Variants in AKR1C4 observed in about 807,000 individuals in gnomAD.
AKR1C4 encodes aldo-keto reductase family 1 member C4.
In AKR1C4, 44 loss-of-function variants were observed where a neutral mutation model predicts 41.0. The ratio of observed to expected loss-of-function variants is 1.07; its 90% CI spans 0.84 to 1.38. The LOEUF (loss-of-function observed/expected upper bound fraction) is 1.38, where lower values mean the gene tolerates loss of function less well. Ranked by LOEUF, AKR1C4 falls within the 40% of genes most tolerant of loss-of-function variation. The pLI, the probability that AKR1C4 is intolerant of heterozygous loss-of-function variation, is 0.00. For synonymous variants in AKR1C4, 165 were observed against 137.7 expected, an observed-to-expected ratio of 1.20 and a Z score of -1.39; for missense variants, 438 against 387.9, an observed-to-expected ratio of 1.13 and a Z score of -1.09.
intron 7 of AKR1C4, among the ~76,000 whole-genome samples, chr10:5,215,467 A>G (rs899182659): frequency 9.9e-5 from 15 of 152,234 alleles, no homozygotes; most frequent in African/African-American, 3.6e-4. Context: ...AAAGCATAGC[A>G]CCAGCATCTC....
chr10:5,206,181 T>C lies in AKR1C4; in HGVS notation c.448-94T>C, dbSNP rs1448694385. 9.5e-6 allele frequency: 15 copies of C among 1,578,488 alleles called. No individual in the cohort carries two copies. The African/African-American group carries it at 1.9e-4, about 20-fold the overall frequency. Reference sequence around the variant, plus strand: ...AATCACTGCTATTTTCATTGTCATATCTTAACAGTTGTTGCTTTAACAGTT... The same window carrying C: ...AATCACTGCTATTTTCATTGTCATACCTTAACAGTTGTTGCTTTAACAGTT... On this transcript the variant is annotated intron_variant, in intron 4 of 8. Transcript: ENST00000263126.
At chr10:5,212,538 T>C in intron 5 of AKR1C4, 78 bp from the exon 6 acceptor site, 3 of 1,274,098 alleles carry the variant, frequency 2.4e-6, no homozygotes, top group Non-Finnish European at 3.2e-6. Context: ...TGTTATACTT[T>C]ATTCAGCTTA....
chr10:5,217,146 A>C (rs757966683), intron 8 of AKR1C4, among the ~76,000 whole-genome samples: 8 of 152,244 alleles, frequency 5.3e-5, no homozygotes, highest in Non-Finnish European at 1.0e-4. Flanking sequence ...ATGTTTTTCC[A>C]AATCTGTACT....
chr10:5,205,503 G>A (rs1004333768), intron 3 of AKR1C4, among the ~76,000 whole-genome samples: 3 of 152,120 alleles, frequency 2.0e-5, no homozygotes, highest in Non-Finnish European at 4.4e-5. Flanking sequence ...AAAAGTAACA[G>A]AAGTCGACTG....
At chr10:5,216,888 G>A in intron 8 of AKR1C4, 95 bp downstream of exon 8, 1 of 791,542 alleles carries the variant, frequency 1.3e-6, no homozygotes, top group Non-Finnish European at 2.1e-6. Flanking sequence ...GGAGACAGAG[G>A]CCAGTGCAAG....
At chr10:5,215,389 A>G (rs1353302384) in intron 7 of AKR1C4, among the ~76,000 whole-genome samples, 1 of 152,148 alleles carries the variant, frequency 6.6e-6, no homozygotes, top group African/African-American at 2.4e-5. Context: ...CTGTAAAAAA[A>G]ATACTTGATG....
At chr10:5,217,917 T>A (rs1554798707) in intron 8 of AKR1C4, among the ~76,000 whole-genome samples, 1 of 152,226 alleles carries the variant, frequency 6.6e-6, no homozygotes, top group African/African-American at 2.4e-5. Flanking sequence ...TGTCACTGCC[T>A]GCAGTGGAGA....
At chr10:5,214,034 ATAT>A (rs1467580999) in intron 7 of AKR1C4, among the ~76,000 whole-genome samples, 73 of 151,986 alleles carry the variant, frequency 4.8e-4, no homozygotes, top group Admixed American at 2.6e-4. Context: ...ATATAGTAAA[ATAT>A]TATGTAGTAA....
intron 4 of AKR1C4, 24 bp from the exon 5 acceptor site, chr10:5,206,251 T>A (rs1832482965): frequency 1.2e-6 from 2 of 1,613,694 alleles, no homozygotes; most frequent in Admixed American, 1.7e-5. Flanking sequence ...CACAAATAAT[T>A]CCTCACAACC....
intron 6 of AKR1C4, 57 bp from the exon 7 acceptor site, chr10:5,212,937 C>A: frequency 1.3e-6 from 2 of 1,587,360 alleles, no homozygotes; most frequent in South Asian, 1.2e-5. Flanking sequence ...GTTTAGGGAG[C>A]CTCCTACCAA....
rs766853328 is a variant in AKR1C4, at chr10:5,213,085, C to T, written c.772C>T (p.Arg258Cys). Residue 258 changes from arginine to cysteine, a missense_variant, in exon 7 of 9, where the codon CGC (arginine) becomes TGC (cysteine). Coordinates refer to ENST00000263126, the MANE Select transcript of AKR1C4 (RefSeq NM_001818.5). ...ACAAACCCCAGCCCTGATTGCCCTG[C>T]GCTACCAGCTGCAGCGTGGGGTTGT... ...HKQTPALIAL[R>C]YQLQRGVVVL... 8.8e-5 allele frequency: 142 copies of T among 1,613,994 alleles called. 1 individual carries two copies. The highest frequency in any genetic ancestry group is 4.8e-4 in the South Asian group (44 of 91,082).
In AKR1C4 at chr10:5,196,916, C is replaced by A; in HGVS notation, c.49C>A (p.Pro17Thr). ...RVELNDGHFM[P>T]VLGFGTYAPP... is the part of the protein sequence containing the mutation. ...AGAGCTAAATGATGGTCACTTCATG[C>A]CCGTATTGGGATTTGGCACCTATGC... Residue 17 changes from proline to threonine, a missense_variant, in exon 1 of 9, where the codon CCC becomes ACC. Coordinates refer to ENST00000263126, the MANE Select transcript of AKR1C4 (RefSeq NM_001818.5). The A allele has an allele frequency of 6.2e-7, 1 of 1,613,674 alleles. No individual in the cohort carries two copies. The highest frequency in any genetic ancestry group is 8.5e-7 in the Non-Finnish European group (1 of 1,179,806).
intron 7 of AKR1C4, among the ~76,000 whole-genome samples, chr10:5,213,524 A>G (rs1554798168): frequency 6.6e-6 from 1 of 152,156 alleles, no homozygotes; most frequent in South Asian, 2.1e-4. Flanking sequence ...TATAAATTTC[A>G]TATATTTATT....
At chr10:5,205,471 C>CA (rs1161928481) in intron 3 of AKR1C4, among the ~76,000 whole-genome samples, 2 of 151,818 alleles carry the variant, frequency 1.3e-5, no homozygotes, top group Non-Finnish European at 2.9e-5. Flanking sequence ...GCATTTCCCC[C>CA]AAAAAAATTA....
chr10:5,205,108 T>A (rs1298284460), intron 3 of AKR1C4, among the ~76,000 whole-genome samples: 1 of 152,212 alleles, frequency 6.6e-6, no homozygotes, highest in Non-Finnish European at 1.5e-5. Flanking sequence ...GGGTAGTCAC[T>A]GCCATGAATA....
intron 6 of AKR1C4, 21 bp from the exon 7 acceptor site, chr10:5,212,973 C>T (rs782758355): frequency 1.9e-6 from 3 of 1,612,372 alleles, no homozygotes; most frequent in Non-Finnish European, 2.5e-6. Context: ...AAGACTTCAG[C>T]ATTTCTGGCT....
At position 5,196,966 on chromosome 10, in the gene AKR1C4, T is replaced by C; in HGVS notation, c.84+15T>C. 6.2e-7 allele frequency: 1 copy of C among 1,612,020 alleles called. No homozygotes were observed. The highest frequency in any genetic ancestry group is 8.5e-7 in the Non-Finnish European group (1 of 1,178,070). On this transcript the variant is annotated intron_variant, in intron 1 of 8. Coordinates refer to ENST00000263126, the MANE Select transcript of AKR1C4 (RefSeq NM_001818.5). ...CACCTCCAGAGGTAATAATCACATT[T>C]TCAGCATTGAGCATTTAAAAGAGCA...
intron 7 of AKR1C4, among the ~76,000 whole-genome samples, chr10:5,215,962 A>G (rs1340306894): frequency 2.0e-5 from 3 of 152,170 alleles, no homozygotes; most frequent in African/African-American, 2.4e-5. Flanking sequence ...ACAATTTTCC[A>G]TATTAGTCCA....
In AKR1C4 at chr10:5,196,957, A is replaced by C; in HGVS notation, c.84+6A>C. 1 of 1,613,356 alleles carries C rather than the reference A, an allele frequency of 6.2e-7. No individual in the cohort carries two copies. On this transcript the variant is annotated splice_donor_region_variant and intron_variant, in intron 1 of 8. Coordinates refer to ENST00000263126, the MANE Select transcript of AKR1C4 (RefSeq NM_001818.5). ...GCACCTATGCACCTCCAGAGGTAAT[A>C]ATCACATTTTCAGCATTGAGCATTT... is the stretch of plus-strand genomic sequence containing the variant.
Sources: allele counts gnomAD v4.1 joint callset (sites outside exome capture counted in the v4.1 genomes callset), GRCh38; gene constraint gnomAD v4.1.1; transcripts MANE v1.5; gene names NCBI Gene and HGNC (gene_info 2026-07-23, HGNC 2026-07-21).